The following SEMA3C variants were observed in gnomAD, a reference collection of about 807,000 sequenced individuals.
SEMA3C encodes semaphorin 3C.
SEMA3C carries 47 observed loss-of-function variants against 89.4 expected under a neutral mutation model. The observed-to-expected ratio is 0.53, with a 90% CI of 0.42 to 0.67. SEMA3C has a LOEUF of 0.67. Ranked by LOEUF, SEMA3C falls within the 30% of genes least tolerant of loss-of-function variation. The pLI is 0.00. For synonymous variants in SEMA3C, 310 were observed against 320.2 expected, an observed-to-expected ratio of 0.97 and a Z score of 0.34; for missense variants, 839 against 929.1, an observed-to-expected ratio of 0.90 and a Z score of 1.26.
At chr7:80,828,537 G>T in intron 3 of SEMA3C, 48 bp downstream of exon 3, 1 of 1,436,832 alleles carries the variant, frequency 7.0e-7, no homozygotes, top group Non-Finnish European at 9.4e-7. Context: ...TTTTAAAAAA[G>T]AGACATTGAA....
chr7:80,847,582 G>GT (rs750418756), intron 2 of SEMA3C, among the ~76,000 whole-genome samples: 172 of 151,644 alleles, frequency 1.1e-3, no homozygotes, highest in Non-Finnish European at 1.3e-3. Flanking sequence ...CATTGAGTAG[G>GT]TTTTTTTTTC....
intron 4 of SEMA3C, 121 bp downstream of exon 4, chr7:80,827,304 C>T: frequency 9.7e-7 from 1 of 1,034,870 alleles, no homozygotes; most frequent in East Asian, 3.0e-5. Context: ...AGCCTGTGTC[C>T]AGCAAAAATT....
chr7:80,893,067 C>T (rs921786577), intron 2 of SEMA3C, among the ~76,000 whole-genome samples: 3 of 152,140 alleles, frequency 2.0e-5, no homozygotes, highest in Non-Finnish European at 4.4e-5. Flanking sequence ...GACTAAAAGA[C>T]GAAAGGTGGA....
At chr7:80,746,960 G>C (rs772953605) in intron 17 of SEMA3C, among the ~76,000 whole-genome samples, 22 of 151,938 alleles carry the variant, frequency 1.4e-4, no homozygotes, top group Non-Finnish European at 2.5e-4. Flanking sequence ...TTTGCTCTGT[G>C]AGCTTTTATC....
At position 80,798,247 on chromosome 7, in the gene SEMA3C, A is replaced by G; in HGVS notation, c.987-11T>C. The G allele has an allele frequency of 7.0e-7, 1 of 1,419,120 alleles. No homozygotes were observed. Among genetic ancestry groups the G allele is most frequent in the Non-Finnish European group, 9.3e-7 (1 of 1,080,246 alleles). The allele number at this position is 1,419,120 out of a possible 1,614,324, so 87.9% of individuals were successfully genotyped here. On this transcript the variant is annotated splice_polypyrimidine_tract_variant and intron_variant, in intron 10 of 17. Coordinates refer to ENST00000265361, the MANE Select transcript of SEMA3C (RefSeq NM_006379.5). ...CCTTTGAAAACTGAGCTAAAAAAGAAAACAGAAAAAGGCATTTTCAAATTT... is the reference window on the plus strand; with the variant it reads ...CCTTTGAAAACTGAGCTAAAAAAGAGAACAGAAAAAGGCATTTTCAAATTT...
At chr7:80,849,438 G>A (rs1247934352) in intron 2 of SEMA3C, among the ~76,000 whole-genome samples, 1 of 151,692 alleles carries the variant, frequency 6.6e-6, no homozygotes, top group East Asian at 2.0e-4. Flanking sequence ...TCAACTATAA[G>A]TTTCTTTTAT....
chr7:80,822,416 T>TA (rs34568196), intron 4 of SEMA3C, among the ~76,000 whole-genome samples: 52,644 of 143,654 alleles, frequency 0.37, 9,493 homozygotes, highest in Admixed American at 0.38. Context: ...TAAATAAAAA[T>TA]AAAAAAAAAA....
chr7:80,750,328 C>A (rs1400964819), intron 16 of SEMA3C, among the ~76,000 whole-genome samples: 4 of 150,976 alleles, frequency 2.6e-5, no homozygotes, highest in Non-Finnish European at 4.4e-5. Flanking sequence ...ATAGTACACC[C>A]ATGTTCATAG....
chr7:80,761,960 G>A (rs572165981), intron 13 of SEMA3C, among the ~76,000 whole-genome samples: 1 of 151,862 alleles, frequency 6.6e-6, no homozygotes, highest in African/African-American at 2.4e-5. Context: ...ATGGTGGTGG[G>A]CACCTGTAAT....
At chr7:80,794,912 G>C (rs1199469711) in intron 11 of SEMA3C, among the ~76,000 whole-genome samples, 2 of 152,092 alleles carry the variant, frequency 1.3e-5, no homozygotes, top group Non-Finnish European at 2.9e-5. Flanking sequence ...CTTGCTGGTG[G>C]GGTCGTTTGC....
intron 4 of SEMA3C, among the ~76,000 whole-genome samples, chr7:80,820,053 C>CTT (rs1491122990): frequency 7.5e-6 from 1 of 132,878 alleles, no homozygotes; most frequent in Non-Finnish European, 1.6e-5. Context: ...CATGTATGCT[C>CTT]CTTTTTTTTT....
chr7:80,759,467 T>A (rs1217868670), intron 14 of SEMA3C, among the ~76,000 whole-genome samples: 3 of 152,204 alleles, frequency 2.0e-5, no homozygotes, highest in African/African-American at 7.2e-5. Context: ...CCTACAAATT[T>A]GCTGTGTAAC....
intron 2 of SEMA3C, among the ~76,000 whole-genome samples, chr7:80,878,824 A>G (rs2116087264): frequency 6.6e-6 from 1 of 152,264 alleles, no homozygotes; most frequent in South Asian, 2.1e-4. Flanking sequence ...GTGGAGTGTG[A>G]TCCTAGAGAC....
intron 11 of SEMA3C, among the ~76,000 whole-genome samples, chr7:80,790,760 T>C (rs1187995686): frequency 6.6e-6 from 1 of 152,178 alleles, no homozygotes; most frequent in Non-Finnish European, 1.5e-5. Flanking sequence ...ACAGCCCTAT[T>C]TACCTAACAG....
At chr7:80,768,508 C>T (rs1324683463) in intron 12 of SEMA3C, among the ~76,000 whole-genome samples, 24 of 140,926 alleles carry the variant, frequency 1.7e-4, no homozygotes, top group East Asian at 1.4e-3. Context: ...AGCGAGACTC[C>T]GTCTAAAAAA....
At chr7:80,761,018 A>G (rs1489126944) in intron 14 of SEMA3C, among the ~76,000 whole-genome samples, 3 of 152,180 alleles carry the variant, frequency 2.0e-5, no homozygotes, top group Non-Finnish European at 4.4e-5. Context: ...TGATCATTGT[A>G]TATTTACATG....
intron 4 of SEMA3C, 98 bp from the exon 5 acceptor site, chr7:80,818,516 T>C (rs556594147): frequency 1.4e-4 from 190 of 1,367,022 alleles, no homozygotes; most frequent in Non-Finnish European, 1.8e-4. Context: ...TAAGTAACAA[T>C]GAGGTGACAT....
At chr7:80,814,082 T>G (rs1442751432) in intron 5 of SEMA3C, among the ~76,000 whole-genome samples, 1 of 138,858 alleles carries the variant, frequency 7.2e-6, no homozygotes, top group Non-Finnish European at 1.6e-5. Flanking sequence ...CCTTTTTTTT[T>G]TCTTTTTTCT....
chr7:80,772,708 TTG>T (rs796106625), intron 12 of SEMA3C, among the ~76,000 whole-genome samples: 24 of 151,944 alleles, frequency 1.6e-4, no homozygotes, highest in African/African-American at 2.2e-4. Flanking sequence ...GTTTTTTTTT[TTG>T]TTTGTTTTAT....
Sources: allele counts gnomAD v4.1 joint callset (sites outside exome capture counted in the v4.1 genomes callset), GRCh38; gene constraint gnomAD v4.1.1; transcripts MANE v1.5; gene names NCBI Gene and HGNC (gene_info 2026-07-23, HGNC 2026-07-21).